HELZ: variants seen among roughly 807,000 people sequenced by gnomAD.
HELZ encodes the protein ATP-dependent RNA helicase with zinc finger domain.
In HELZ, 23 loss-of-function variants were observed where a neutral mutation model predicts 218.2. That is an observed-to-expected ratio of 0.11 (90% CI 0.08 to 0.15). The LOEUF (loss-of-function observed/expected upper bound fraction) is 0.15. Ranked by LOEUF, HELZ falls within the 10% of genes least tolerant of loss-of-function variation. HELZ has a pLI of 1.00. For synonymous variants in HELZ, 814 were observed against 829.4 expected, an observed-to-expected ratio of 0.98 and a Z score of 0.32; for missense variants, 1,813 against 2,353.7, an observed-to-expected ratio of 0.77 and a Z score of 4.75.
At chr17:67,148,764 A>AT in intron 19 of HELZ, 50 bp from the exon 20 acceptor site, 1 of 1,516,522 alleles carries the variant, frequency 6.6e-7, no homozygotes, top group Non-Finnish European at 8.9e-7. Flanking sequence ...TACAAATAGT[A>AT]TTTTTTAACC....
intron 31 of HELZ, among the ~76,000 whole-genome samples, chr17:67,102,904 C>A (rs1184242192): frequency 6.6e-6 from 1 of 152,074 alleles, no homozygotes; most frequent in Non-Finnish European, 1.5e-5. Flanking sequence ...ACAAAGATAA[C>A]AGAAATATCA....
Position 67,189,682 on chromosome 17 carries a change from T to C in HELZ, c.771A>G (p.Ile257Met). Reference protein sequence around the residue: ...LSPEKVLSECIEGVKVEHNPD... With the variant: ...LSPEKVLSECMEGVKVEHNPD... ...GATTGTGCTCTACCTTTACTCCTTCTATACATTCACTAAGCTGAAAACAGA... is the reference window on the plus strand; with the variant it reads ...GATTGTGCTCTACCTTTACTCCTTCCATACATTCACTAAGCTGAAAACAGA... The change falls in exon 11 of 33, where the codon ATA becomes ATG. Residue 257 changes from isoleucine to methionine, a missense_variant. By Grantham distance (10) the Ile-to-Met change is conservative (BLOSUM62 1). Around this residue, in one of 4 missense-constraint regions of HELZ, gnomAD observed 714 missense variants for 1,029.2 expected, o/e 0.69. Coordinates refer to ENST00000358691, the MANE Select transcript of HELZ (RefSeq NM_014877.4). The C allele has an allele frequency of 6.2e-7, 1 of 1,609,470 alleles. No individual in the cohort carries two copies. The highest frequency in any genetic ancestry group is 8.5e-7 in the Non-Finnish European group (1 of 1,176,034).
intron 3 of HELZ, among the ~76,000 whole-genome samples, chr17:67,226,208 G>A (rs2040885155): frequency 6.8e-6 from 1 of 146,666 alleles, no homozygotes; most frequent in African/African-American, 2.5e-5. Context: ...GCAGTGAGCC[G>A]AGATCGCACC....
intron 32 of HELZ, among the ~76,000 whole-genome samples, chr17:67,086,029 GTC>G (rs1320471485): frequency 6.6e-6 from 1 of 151,994 alleles, no homozygotes; most frequent in Non-Finnish European, 1.5e-5. Flanking sequence ...GACTTTACTG[GTC>G]TCTCTCGTGG....
At chr17:67,126,519 T>C (rs974003507) in intron 24 of HELZ, among the ~76,000 whole-genome samples, 6 of 152,160 alleles carry the variant, frequency 3.9e-5, no homozygotes, top group Non-Finnish European at 5.9e-5. Context: ...TTAGTTTATA[T>C]AAAATATACA....
intron 3 of HELZ, among the ~76,000 whole-genome samples, chr17:67,220,294 T>G (rs1481197684): frequency 6.6e-6 from 1 of 152,224 alleles, no homozygotes; most frequent in African/African-American, 2.4e-5. Flanking sequence ...GACAGACATC[T>G]GAAGAGGTCT....
chr17:67,128,912 G>A, intron 23 of HELZ, 57 bp from the exon 24 acceptor site: 2 of 1,271,396 alleles, frequency 1.6e-6, no homozygotes, highest in Non-Finnish European at 2.3e-6. Flanking sequence ...TCACAGAAAT[G>A]AATATAAATA....
At chr17:67,097,815 C>G (rs1217109063) in intron 31 of HELZ, among the ~76,000 whole-genome samples, 3 of 152,172 alleles carry the variant, frequency 2.0e-5, no homozygotes, top group African/African-American at 7.2e-5. Context: ...TGACCCACAA[C>G]TATTTGAATT....
intron 6 of HELZ, among the ~76,000 whole-genome samples, chr17:67,202,952 C>T (rs905419765): frequency 7.2e-5 from 11 of 151,774 alleles, no homozygotes; most frequent in Admixed American, 2.0e-4. Flanking sequence ...AATGAGACCT[C>T]GTCTCTACAA....
At chr17:67,231,016 G>C (rs2041023506) in intron 3 of HELZ, among the ~76,000 whole-genome samples, 1 of 152,102 alleles carries the variant, frequency 6.6e-6, no homozygotes, top group East Asian at 1.9e-4. Context: ...TGTAAGTATT[G>C]AATATTTTGC....
At chr17:67,095,100 C>G (rs1292462160) in intron 31 of HELZ, among the ~76,000 whole-genome samples, 1 of 152,164 alleles carries the variant, frequency 6.6e-6, no homozygotes, top group Non-Finnish European at 1.5e-5. Flanking sequence ...CTTCTTAAGC[C>G]CTTCCAGTAT....
intron 13 of HELZ, among the ~76,000 whole-genome samples, chr17:67,172,496 C>T (rs77150969): frequency 6.8e-6 from 1 of 147,510 alleles, no homozygotes; most frequent in African/African-American, 2.5e-5. Context: ...TCTGATTTTT[C>T]CCAAGCACCA....
chr17:67,245,465 C>G, upstream of HELZ: 2 of 985,714 alleles, frequency 2.0e-6, no homozygotes, highest in Non-Finnish European at 2.4e-6. Flanking sequence ...GGTCCTCTCG[C>G]CTCGCCGCGT....
intron 3 of HELZ, among the ~76,000 whole-genome samples, chr17:67,234,166 T>C (rs2041115723): frequency 6.8e-6 from 1 of 147,492 alleles, no homozygotes; most frequent in African/African-American, 2.5e-5. Flanking sequence ...CTACAAAAAA[T>C]ACAAAAATTA....
intron 28 of HELZ, among the ~76,000 whole-genome samples, chr17:67,111,819 T>A (rs1231725788): frequency 6.6e-6 from 1 of 152,222 alleles, no homozygotes; most frequent in Non-Finnish European, 1.5e-5. Context: ...AACATTTTCC[T>A]CCATAAATCT....
Position 67,203,389 on chromosome 17 carries a change from C to T in HELZ, c.302G>A (p.Cys101Tyr), listed in dbSNP as rs775482097. The T allele has an allele frequency of 1.8e-5, 29 of 1,614,014 alleles. No individual in the cohort carries two copies. In the Admixed American group the frequency reaches 1.8e-4, roughly 10 times the overall value. ...GEDAFRAVLC[C>Y]MQLKGKLQPV... ...TTGGAGCTTCCCTTTCAGCTGCATG[C>T]AGCAAAGCACTGCCCGAAAGGCATC... The change falls in exon 6 of 33, where the codon TGC (cysteine) becomes TAC (tyrosine). Residue 101 changes from cysteine (C) to tyrosine (Y), a missense_variant. Transcript: ENST00000358691.
chr17:67,104,938 G>A (rs761045836), intron 31 of HELZ, among the ~76,000 whole-genome samples: 5 of 152,060 alleles, frequency 3.3e-5, no homozygotes, highest in African/African-American at 7.2e-5. Flanking sequence ...GGCCAATATC[G>A]TGAAACCCCG....
chr17:67,107,500 T>C lies in HELZ; in HGVS notation c.4910A>G (p.Asn1637Ser). 6.2e-7 allele frequency: 1 copy of C among 1,614,186 alleles called. No homozygotes were observed. The highest frequency in any genetic ancestry group is 8.5e-7 in the Non-Finnish European group (1 of 1,180,034). The change falls in exon 31 of 33, where the codon AAC becomes AGC. Residue 1637 changes from asparagine (N) to serine (S), a missense_variant. Coordinates refer to ENST00000358691, the MANE Select transcript of HELZ (RefSeq NM_014877.4). ...HSSHFSNFND[N>S]SRDIEVASNP... ...GCTGGCTACTTCAATGTCTCTGCTG[T>C]TATCATTAAAGTTAGAAAAGTGGCT...
chr17:67,228,770 G>A (rs149389407), intron 3 of HELZ, among the ~76,000 whole-genome samples: 5,233 of 151,898 alleles, frequency 0.034, 301 homozygotes, highest in African/African-American at 0.12. Flanking sequence ...CCAGGCTGGA[G>A]TGCAATAACG....
Sources: allele counts gnomAD v4.1 joint callset (sites outside exome capture counted in the v4.1 genomes callset), GRCh38; gene constraint gnomAD v4.1.1; regional missense constraint gnomAD v4.1.1; transcripts MANE v1.5; gene names NCBI Gene and HGNC (gene_info 2026-07-23, HGNC 2026-07-21).